Variants in USP47 observed in about 807,000 individuals in gnomAD.
USP47 encodes the protein ubiquitin carboxyl-terminal hydrolase 47.
USP47 carries 35 observed loss-of-function variants against 165.1 expected under a neutral mutation model. The observed-to-expected ratio is 0.21, with a 90% CI of 0.16 to 0.28. The LOEUF (loss-of-function observed/expected upper bound fraction) is 0.28. USP47 is among the 10% of genes least tolerant of loss of function. The pLI is 1.00. For synonymous variants in USP47, 531 were observed against 544.5 expected, an observed-to-expected ratio of 0.98 and a Z score of 0.35; for missense variants, 1,277 against 1,607.4, an observed-to-expected ratio of 0.79 and a Z score of 3.52.
intron 11 of USP47, among the ~76,000 whole-genome samples, chr11:11,924,775 A>G (rs1452056684): frequency 6.6e-6 from 1 of 151,954 alleles, no homozygotes; most frequent in African/African-American, 2.4e-5. Flanking sequence ...TGTCCTTTTA[A>G]TTGTCCTTTA....
At chr11:11,922,321 T>C (rs966086941) in intron 10 of USP47, among the ~76,000 whole-genome samples, 7 of 151,994 alleles carry the variant, frequency 4.6e-5, no homozygotes, top group Non-Finnish European at 7.4e-5. Context: ...AGTTGGACTT[T>C]TTGTTCAAGA....
intron 21 of USP47, 71 bp downstream of exon 21, chr11:11,948,191 T>G (rs1172793740): frequency 6.7e-7 from 1 of 1,493,846 alleles, no homozygotes; most frequent in Non-Finnish European, 9.0e-7. Flanking sequence ...CTTTTACTAC[T>G]TCCAAGTGAG....
chr11:11,875,470 A>G (rs1411023106), intron 1 of USP47, among the ~76,000 whole-genome samples: 2 of 152,336 alleles, frequency 1.3e-5, no homozygotes, highest in East Asian at 1.9e-4. Flanking sequence ...AGCGGGCTCT[A>G]AAATGTCTTA....
At chr11:11,936,611 A>T in intron 17 of USP47, 101 bp downstream of exon 17, 1 of 991,492 alleles carries the variant, frequency 1.0e-6, no homozygotes, top group South Asian at 2.5e-5. Context: ...AATTTTGTAT[A>T]TGGTCTTAAA....
chr11:11,911,009 A>T (rs1292290744), intron 8 of USP47, among the ~76,000 whole-genome samples: 1 of 152,210 alleles, frequency 6.6e-6, no homozygotes, highest in Non-Finnish European at 1.5e-5. Context: ...ACTGAAAACA[A>T]TGAAAATTTT....
intron 2 of USP47, among the ~76,000 whole-genome samples, chr11:11,882,096 T>C (rs1850870996): frequency 6.6e-6 from 1 of 152,206 alleles, no homozygotes; most frequent in Admixed American, 6.5e-5. Context: ...TTCAGTCATC[T>C]AAAGTTGTAG....
At chr11:11,852,311 A>T (rs528539550) in intron 1 of USP47, among the ~76,000 whole-genome samples, 157 of 151,218 alleles carry the variant, frequency 1.0e-3, no homozygotes, top group Admixed American at 3.7e-3. Context: ...CCATTTATTT[A>T]CTTATTTATT....
chr11:11,900,901 T>G (rs1198954503), intron 5 of USP47, among the ~76,000 whole-genome samples: 13 of 152,198 alleles, frequency 8.5e-5, no homozygotes, highest in Admixed American at 6.5e-4. Flanking sequence ...CACAAGAAAT[T>G]TGAGCATTTT....
chr11:11,952,939 A>G (rs1856318884), intron 25 of USP47, 68 bp downstream of exon 25: 1 of 1,110,616 alleles, frequency 9.0e-7, no homozygotes, highest in Admixed American at 4.5e-5. Flanking sequence ...AATAAAATAT[A>G]TAATATATAA....
rs984792204 is a variant in USP47, at chr11:11,957,952, G to A, written c.*1777G>A. ...GAAGTAATGTTCTGAGTTTGCATTAGTGGGATTGGTGATGTTCTCAGAAGA... is the reference window on the plus strand; with the variant it reads ...GAAGTAATGTTCTGAGTTTGCATTAATGGGATTGGTGATGTTCTCAGAAGA... On this transcript the variant is annotated 3_prime_UTR_variant, in exon 28 of 28. Transcript: ENST00000527733. 1.3e-5 allele frequency: 2 copies of A among 152,230 alleles called. No individual in the cohort carries two copies. The highest frequency in any genetic ancestry group is 2.1e-4 in the South Asian group (1 of 4,836). 9.4% of individuals were successfully genotyped at this position (152,230 alleles called of 1,614,324 possible). A position where few individuals can be genotyped will look rare whatever the true frequency, so the allele number is the denominator to read the frequency against.
rs1156372316 is a variant in USP47 at position 11,878,467 on chromosome 11, TA to T, written c.40-1705del. Among the ~76,000 whole-genome samples the T allele has an allele frequency of 6.6e-5, 10 of 152,300 alleles. No homozygotes were observed. The East Asian group carries it at 1.9e-3, about 29-fold the overall frequency. On this transcript the variant is annotated intron_variant, in intron 1 of 27. Transcript: ENST00000527733. ...CTCTTTCATCATAAACCAGCATTTT[TA>T]AAAAGATCTATTTTATGTTTTTTAG...
At chr11:11,877,454 T>G (rs1850509416) in intron 1 of USP47, among the ~76,000 whole-genome samples, 1 of 152,146 alleles carries the variant, frequency 6.6e-6, no homozygotes, top group Non-Finnish European at 1.5e-5. Flanking sequence ...ACAACAGAAT[T>G]CAAGAGTAAA....
At chr11:11,911,061 T>G (rs1045930092) in intron 8 of USP47, among the ~76,000 whole-genome samples, 11 of 152,086 alleles carry the variant, frequency 7.2e-5, no homozygotes, top group African/African-American at 2.4e-4. Context: ...AATTTGGAAC[T>G]GAAAACTGCA....
chr11:11,942,880 T>C lies in USP47; in HGVS notation c.2859T>C (p.Asn953=). Residue 953 remains asparagine (N), a synonymous_variant, in exon 20 of 28, where the codon AAT becomes AAC. Coordinates refer to ENST00000527733, the MANE Select transcript of USP47 (RefSeq NM_001282659.2). Reference sequence around the variant, plus strand: ...GTCATAGCAGTGATACTTTGTGCAATGCAGACAATGCTCAGATCCCTTTGG... The same window carrying C: ...GTCATAGCAGTGATACTTTGTGCAACGCAGACAATGCTCAGATCCCTTTGG... ...SSSHSSDTLC[N]ADNAQIPLAN... The C allele has an allele frequency of 1.2e-6, 2 of 1,613,714 alleles. No individual in the cohort carries two copies. Among genetic ancestry groups the C allele is most frequent in the Non-Finnish European group, 1.7e-6 (2 of 1,179,770 alleles).
intron 12 of USP47, 126 bp downstream of exon 12, chr11:11,929,691 C>CT: frequency 7.4e-7 from 1 of 1,356,418 alleles, no homozygotes. Flanking sequence ...CATATCAAAT[C>CT]TGTCTTTAAT....
intron 25 of USP47, among the ~76,000 whole-genome samples, chr11:11,954,127 G>A (rs768626812): frequency 1.4e-4 from 22 of 152,200 alleles, no homozygotes; most frequent in Non-Finnish European, 2.5e-4. Flanking sequence ...GTGCATGCCT[G>A]TAATTTTAGC....
intron 1 of USP47, among the ~76,000 whole-genome samples, chr11:11,864,159 T>C (rs1849537408): frequency 6.6e-6 from 1 of 152,026 alleles, no homozygotes; most frequent in African/African-American, 2.4e-5. Context: ...ATTCCTTTAA[T>C]AAACAGTTAA....
intron 16 of USP47, among the ~76,000 whole-genome samples, chr11:11,934,890 T>C (rs1590413842): frequency 6.6e-6 from 1 of 152,014 alleles, no homozygotes; most frequent in Non-Finnish European, 1.5e-5. Flanking sequence ...AGAGAAAAAA[T>C]TGCATACTAC....
At chr11:11,908,207 A>G (rs1852709200) in intron 8 of USP47, among the ~76,000 whole-genome samples, 1 of 152,236 alleles carries the variant, frequency 6.6e-6, no homozygotes, top group Admixed American at 6.5e-5. Flanking sequence ...GTGTGCCACA[A>G]TATTATGGGT....
Sources: gnomAD v4.1 joint callset for allele counts (sites outside exome capture counted in the v4.1 genomes callset) on GRCh38, gnomAD v4.1.1 for gene constraint, MANE v1.5 for transcripts, NCBI Gene and HGNC (gene_info 2026-07-23, HGNC 2026-07-21) for gene names.